The following ST8SIA4 variants were observed in gnomAD, a reference collection of about 807,000 sequenced individuals.
ST8SIA4 encodes CMP-N-acetylneuraminate-poly-alpha-2,8-sialyltransferase.
Under a neutral mutation model 33.9 loss-of-function variants are expected in ST8SIA4, and 15 were observed. The ratio of observed to expected loss-of-function variants is 0.44; its 90% CI spans 0.30 to 0.68. ST8SIA4 has a LOEUF of 0.68. Ranked by LOEUF, ST8SIA4 falls within the 30% of genes least tolerant of loss-of-function variation. The probability of loss-of-function intolerance (pLI) is 0.10; values close to 1 mark genes in which losing one functional copy is unlikely to be tolerated. For synonymous variants in ST8SIA4, 171 were observed against 151.2 expected (o/e 1.13, Z -0.96); for missense variants, 321 against 428.0 (o/e 0.75, Z 2.21).
At chr5:100,899,725 TA>T (rs1752859003) in intron 1 of ST8SIA4, among the ~76,000 whole-genome samples, 1 of 152,210 alleles carries the variant, frequency 6.6e-6, no homozygotes, top group Admixed American at 6.5e-5. Flanking sequence ...GATGCTTACA[TA>T]TTTTACTTGT....
intron 4 of ST8SIA4, chr5:100,816,617 G>C: frequency 2.0e-6 from 1 of 505,230 alleles, no homozygotes; most frequent in Non-Finnish European, 4.0e-6. Context: ...AATCAAATGT[G>C]ACAATTTCTA....
At chr5:100,873,667 C>T (rs1752246199) in intron 3 of ST8SIA4, among the ~76,000 whole-genome samples, 1 of 152,104 alleles carries the variant, frequency 6.6e-6, no homozygotes, top group Admixed American at 6.6e-5. Flanking sequence ...TACTTAAGTG[C>T]TGCTTGAGAG....
At chr5:100,861,448 T>C (rs1052564731) in intron 3 of ST8SIA4, among the ~76,000 whole-genome samples, 2 of 152,156 alleles carry the variant, frequency 1.3e-5, no homozygotes, top group African/African-American at 4.8e-5. Context: ...AGAAATATGT[T>C]AGACTGTGTC....
intron 4 of ST8SIA4, among the ~76,000 whole-genome samples, chr5:100,819,294 A>G (rs1380193875): frequency 3.3e-5 from 5 of 152,192 alleles, no homozygotes; most frequent in South Asian, 2.1e-4. Context: ...GCATTTGTCA[A>G]TTTCTGTGGA....
chr5:100,816,573 GT>G (rs1453338251), intron 4 of ST8SIA4: 2 of 504,830 alleles, frequency 4.0e-6, no homozygotes, highest in African/African-American at 4.0e-5. Context: ...AATAATGATA[GT>G]TTTTTCTCTT....
rs187332078 is a variant in ST8SIA4 at position 100,876,125 on chromosome 5, C to G, written c.503+10218G>C. Among the ~76,000 whole-genome samples the G allele has an allele frequency of 1.1e-3, 168 of 152,036 alleles. No homozygotes were observed. The Middle Eastern group carries it at 0.024, about 22-fold the overall frequency. ...ATAATACCAGAAATACAGATGTTATCTGAAGGATAAAAGAAATTATCCCAG... is the reference window on the plus strand; with the variant it reads ...ATAATACCAGAAATACAGATGTTATGTGAAGGATAAAAGAAATTATCCCAG... On this transcript the variant is annotated intron_variant, in intron 3 of 4. Coordinates refer to ENST00000231461, the MANE Select transcript of ST8SIA4 (RefSeq NM_005668.6).
Position 100,856,404 on chromosome 5 carries a change from G to A in ST8SIA4, c.504-8C>T. 4 of 1,583,716 alleles carry A rather than the reference G, an allele frequency of 2.5e-6. No homozygotes were observed. The highest frequency in any genetic ancestry group is 3.4e-6 in the Non-Finnish European group (4 of 1,164,502). On this transcript the variant is annotated splice_polypyrimidine_tract_variant and splice_region_variant and intron_variant, in intron 3 of 4. Coordinates refer to ENST00000231461, the MANE Select transcript of ST8SIA4 (RefSeq NM_005668.6). Reference sequence around the variant, plus strand: ...ACAGGAGCTAGATTACACCTGAAGAGGAAAAAATTAATGGGACAAATGAAA... The same window carrying A: ...ACAGGAGCTAGATTACACCTGAAGAAGAAAAAATTAATGGGACAAATGAAA...
chr5:100,814,392 C>T (rs147698220), intron 4 of ST8SIA4, among the ~76,000 whole-genome samples: 97 of 151,920 alleles, frequency 6.4e-4, no homozygotes, highest in African/African-American at 2.3e-3. Flanking sequence ...TTTAGAAATG[C>T]TAACAGAAAA....
chr5:100,836,955 A>C lies in ST8SIA4; in HGVS notation c.797+19148T>G, dbSNP rs73159952. On this transcript the variant is annotated intron_variant, in intron 4 of 4. Transcript: ENST00000231461. ...ATCGCTATTGACTTTACACATAGGA[A>C]CTCTAAAGGAAGTCTAGGGAATTTT... is the stretch of plus-strand genomic sequence containing the variant. Among the ~76,000 whole-genome samples the C allele has an allele frequency of 3.9e-3, 598 of 151,498 alleles. 5 individuals are homozygous for C. Among genetic ancestry groups the C allele is most frequent in the African/African-American group, 0.014 (574 of 41,290 alleles).
At chr5:100,861,696 T>A (rs1751949448) in intron 3 of ST8SIA4, among the ~76,000 whole-genome samples, 1 of 152,226 alleles carries the variant, frequency 6.6e-6, no homozygotes, top group South Asian at 2.1e-4. Context: ...AGCTATTTGA[T>A]CATCAGTAAC....
intron 3 of ST8SIA4, among the ~76,000 whole-genome samples, chr5:100,865,761 A>C (rs867785797): frequency 3.3e-5 from 5 of 151,948 alleles, no homozygotes; most frequent in South Asian, 2.1e-4. Context: ...TTGGTCATCA[A>C]ATTCTGCCTC....
intron 2 of ST8SIA4, among the ~76,000 whole-genome samples, chr5:100,889,100 T>C (rs1349673683): frequency 1.3e-5 from 2 of 151,922 alleles, no homozygotes; most frequent in African/African-American, 4.8e-5. Context: ...GGCTTATGCA[T>C]TATAGAAACT....
At chr5:100,865,331 G>GT (rs1752038748) in intron 3 of ST8SIA4, among the ~76,000 whole-genome samples, 1 of 152,050 alleles carries the variant, frequency 6.6e-6, no homozygotes, top group Non-Finnish European at 1.5e-5. Context: ...ATACTGAATA[G>GT]TTTTTTAAAA....
intron 3 of ST8SIA4, among the ~76,000 whole-genome samples, chr5:100,880,188 T>A (rs1459386224): frequency 6.6e-6 from 1 of 152,172 alleles, no homozygotes; most frequent in Non-Finnish European, 1.5e-5. Flanking sequence ...TATATAAATA[T>A]GTCAGACTCT....
rs913850175 is a variant in ST8SIA4, at chr5:100,900,373, C to A, written c.113+2470G>T. ...AACCTCCATTCCAGTTTACTCAAAACTCAAAACTGGCCTCTCCACGTGGCT... is the reference window on the plus strand; with the variant it reads ...AACCTCCATTCCAGTTTACTCAAAAATCAAAACTGGCCTCTCCACGTGGCT... On this transcript the variant is annotated intron_variant, in intron 1 of 4. Transcript: ENST00000231461. The A allele has an allele frequency of 8.8e-6, 4 of 455,524 alleles. No individual in the cohort carries two copies. The Admixed American group carries it at 9.4e-5, about 11-fold the overall frequency. 28.2% of individuals were successfully genotyped at this position (455,524 alleles called of 1,614,324 possible). A position where few individuals can be genotyped will look rare whatever the true frequency, so the allele number is the denominator to read the frequency against.
In ST8SIA4 at chr5:100,811,788, T is replaced by G; in HGVS notation, c.*59A>C. The stretch of plus-strand genomic sequence containing the variant: ...CCCAGCCGTGTTTTGGATCCTATTT[T>G]CAAATCTTCGGAAGCATCTTCAGAA... On this transcript the variant is annotated 3_prime_UTR_variant, in exon 5 of 5. Coordinates refer to ENST00000231461, the MANE Select transcript of ST8SIA4 (RefSeq NM_005668.6). 1.3e-6 allele frequency: 2 copies of G among 1,515,740 alleles called. No individual in the cohort carries two copies. The highest frequency in any genetic ancestry group is 2.8e-5 in the African/African-American group (2 of 72,044). 93.9% of individuals were successfully genotyped at this position (1,515,740 alleles called of 1,614,324 possible).
intron 4 of ST8SIA4, among the ~76,000 whole-genome samples, chr5:100,844,119 A>C (rs1341378198): frequency 3.3e-5 from 5 of 151,912 alleles, no homozygotes; most frequent in Admixed American, 6.6e-5. Flanking sequence ...ATATGATGGC[A>C]AGTATCCTTC....
chr5:100,815,066 G>A (rs574355409), intron 4 of ST8SIA4, among the ~76,000 whole-genome samples: 29 of 151,976 alleles, frequency 1.9e-4, no homozygotes, highest in African/African-American at 6.5e-4. Flanking sequence ...ACATGTTCCA[G>A]CTTTTATCCC....
chr5:100,860,148 TTAAA>T (rs1044870424), intron 3 of ST8SIA4, among the ~76,000 whole-genome samples: 2 of 152,142 alleles, frequency 1.3e-5, no homozygotes, highest in Non-Finnish European at 2.9e-5. Flanking sequence ...ACCCAACAGA[TTAAA>T]TAAGAAGAAA....
Sources: allele counts gnomAD v4.1 joint callset (sites outside exome capture counted in the v4.1 genomes callset), GRCh38; gene constraint gnomAD v4.1.1; transcripts MANE v1.5; gene names NCBI Gene and HGNC (gene_info 2026-07-23, HGNC 2026-07-21).